The following TLL2 variants were observed in gnomAD, a reference collection of about 807,000 sequenced individuals.
The protein encoded by TLL2 is tolloid like 2.
In TLL2, 106 loss-of-function variants were observed where a neutral mutation model predicts 123.0. That is an observed-to-expected ratio of 0.86 (90% CI 0.74 to 1.01). TLL2 has a LOEUF of 1.01. Among genes scored for constraint, TLL2 ranks in the 50% least tolerant of loss-of-function variants. TLL2 has a pLI of 0.00. For synonymous variants in TLL2, 494 were observed against 516.8 expected (o/e 0.96, Z 0.60); for missense variants, 1,332 against 1,336.7 (o/e 1.00, Z 0.06).
chr10:96,458,487 TGA>T (rs1191625473), intron 2 of TLL2, among the ~76,000 whole-genome samples: 1 of 145,798 alleles, frequency 6.9e-6, no homozygotes, highest in Non-Finnish European at 1.5e-5. Flanking sequence ...CTCGGGAGGC[TGA>T]GGCAGGAGAA....
intron 1 of TLL2, among the ~76,000 whole-genome samples, chr10:96,490,087 ACT>A: frequency 6.6e-6 from 1 of 152,168 alleles, no homozygotes; most frequent in African/African-American, 2.4e-5. Flanking sequence ...ACAGAGTGAG[ACT>A]CTGTCTCAAA....
At chr10:96,497,863 T>C (rs748441548) in intron 1 of TLL2, among the ~76,000 whole-genome samples, 2 of 152,256 alleles carry the variant, frequency 1.3e-5, no homozygotes, top group African/African-American at 2.4e-5. Flanking sequence ...AATAGGAAGA[T>C]GGGATTCTGG....
intron 2 of TLL2, among the ~76,000 whole-genome samples, chr10:96,467,640 A>C (rs1847143326): frequency 6.6e-6 from 1 of 152,234 alleles, no homozygotes; most frequent in Non-Finnish European, 1.5e-5. Flanking sequence ...AATGTATTGG[A>C]GGCTACATAA....
chr10:96,477,261 T>C (rs1847267933), intron 2 of TLL2, among the ~76,000 whole-genome samples: 1 of 152,000 alleles, frequency 6.6e-6, no homozygotes, highest in Non-Finnish European at 1.5e-5. Context: ...AAGTATGATA[T>C]ATATTTCAAA....
At chr10:96,505,646 T>C (rs1175115234) in intron 1 of TLL2, among the ~76,000 whole-genome samples, 2 of 152,142 alleles carry the variant, frequency 1.3e-5, no homozygotes, top group Non-Finnish European at 2.9e-5. Context: ...AGAGCCAGTA[T>C]TTGAACCCAG....
chr10:96,384,557 T>C, intron 16 of TLL2, 30 bp downstream of exon 16: 4 of 1,524,858 alleles, frequency 2.6e-6, no homozygotes, highest in Non-Finnish European at 3.5e-6. Flanking sequence ...TCACTCGCGC[T>C]GCATCAGCCT....
chr10:96,493,819 C>T lies in TLL2; in HGVS notation c.176-13360G>A, dbSNP rs926031970. Among the ~76,000 whole-genome samples, 15 of 152,308 alleles carry T rather than the reference C, an allele frequency of 9.8e-5. 1 individual carries two copies. The highest frequency in any genetic ancestry group is 6.2e-4 in the South Asian group (3 of 4,824). On this transcript the variant is annotated intron_variant, in intron 1 of 20. Coordinates refer to ENST00000357947, the MANE Select transcript of TLL2 (RefSeq NM_012465.4). ...TTCAGAACATTCTCATCCCCGAATC[C>T]GTGAGTGAACAAATACCTCCTTGCA...
At chr10:96,504,852 C>CA (rs1440310317) in intron 1 of TLL2, among the ~76,000 whole-genome samples, 8 of 151,768 alleles carry the variant, frequency 5.3e-5, no homozygotes, top group Admixed American at 5.2e-4. Flanking sequence ...ACTAAAAATA[C>CA]AAAAAATTAG....
intron 1 of TLL2, among the ~76,000 whole-genome samples, chr10:96,487,312 G>A (rs1283132258): frequency 6.6e-6 from 1 of 152,102 alleles, no homozygotes; most frequent in African/African-American, 2.4e-5. Context: ...CCTGGTTCCT[G>A]TCTCTCTCCC....
At chr10:96,504,967 C>G (rs942183727) in intron 1 of TLL2, among the ~76,000 whole-genome samples, 2 of 152,118 alleles carry the variant, frequency 1.3e-5, no homozygotes, top group Non-Finnish European at 2.9e-5. Context: ...GAGATCGCAC[C>G]GCTGCACTCC....
intron 14 of TLL2, 99 bp downstream of exon 14, chr10:96,386,854 G>T: frequency 1.3e-6 from 2 of 1,548,932 alleles, no homozygotes; most frequent in Non-Finnish European, 1.8e-6. Context: ...ATTGCCCATC[G>T]TTCCTACACA....
intron 3 of TLL2, among the ~76,000 whole-genome samples, chr10:96,443,404 G>A (rs531942495): frequency 3.3e-5 from 5 of 152,270 alleles, no homozygotes; most frequent in African/African-American, 1.2e-4. Flanking sequence ...CAACTGAATG[G>A]TGACAGTCTG....
At chr10:96,482,257 CAA>C (rs34832390) in intron 1 of TLL2, among the ~76,000 whole-genome samples, 1 of 93,370 alleles carries the variant, frequency 1.1e-5, no homozygotes, top group African/African-American at 4.5e-5. Context: ...GACTACGTCT[CAA>C]AAAAAAAAAA....
intron 2 of TLL2, among the ~76,000 whole-genome samples, chr10:96,468,101 C>T (rs914941741): frequency 3.9e-5 from 6 of 152,210 alleles, no homozygotes; most frequent in Non-Finnish European, 7.3e-5. Flanking sequence ...CCATCACCTC[C>T]CCAAACCAGA....
chr10:96,512,487 C>T (rs1474206989), intron 1 of TLL2, among the ~76,000 whole-genome samples: 18 of 152,224 alleles, frequency 1.2e-4, no homozygotes, highest in Admixed American at 1.2e-3. Flanking sequence ...CGGGAAGGAG[C>T]ACCTGCCTCG....
Position 96,467,024 on chromosome 10 carries a change from C to A in TLL2, c.286+13325G>T, listed in dbSNP as rs569863030. ...GGTTTTATAAAAAATTAGTTTAGTT[C>A]ATTATCATGCCCAGTAAGAACATGT... On this transcript the variant is annotated intron_variant, in intron 2 of 20. Coordinates refer to ENST00000357947, the MANE Select transcript of TLL2 (RefSeq NM_012465.4). 4.6e-5 allele frequency among the ~76,000 whole-genome samples: 7 copies of A among 152,278 alleles called. No homozygotes were observed. In the East Asian group the frequency reaches 1.4e-3, roughly 29 times the overall value.
chr10:96,513,708 C>T lies in TLL2; in HGVS notation c.-23G>A, dbSNP rs1847655957. Reference sequence around the variant, plus strand: ...CATGGTGGCGCGGGGCCGGCTGGGGCAGAGGGAGTTGCGTGCACGAAAGCT... The same window carrying T: ...CATGGTGGCGCGGGGCCGGCTGGGGTAGAGGGAGTTGCGTGCACGAAAGCT... On this transcript the variant is annotated 5_prime_UTR_variant, in exon 1 of 21. Transcript: ENST00000357947. The T allele has an allele frequency of 6.7e-7, 1 of 1,486,444 alleles. No homozygotes were observed. Among genetic ancestry groups the T allele is most frequent in the Non-Finnish European group, 8.9e-7 (1 of 1,123,384 alleles). The allele number at this position is 1,486,444 out of a possible 1,614,324, so 92.1% of individuals were successfully genotyped here.
chr10:96,382,320 T>G (rs181872936), intron 16 of TLL2, among the ~76,000 whole-genome samples: 87 of 152,338 alleles, frequency 5.7e-4, no homozygotes. Context: ...TGAGCCACCA[T>G]GCCCGGCCAT....
Position 96,421,005 on chromosome 10 carries a change from T to G in TLL2, c.874A>C (p.Thr292Pro). The G allele has an allele frequency of 1.2e-6, 2 of 1,614,086 alleles. No homozygotes were observed. Among genetic ancestry groups the G allele is most frequent in the Non-Finnish European group, 1.7e-6 (2 of 1,179,996 alleles). Residue 292 changes from threonine (T) to proline (P), a missense_variant, in exon 7 of 21, where the codon ACA (threonine) becomes CCA (proline). By Grantham distance (38) the Thr-to-Pro change is conservative (BLOSUM62 -1). Coordinates refer to ENST00000357947, the MANE Select transcript of TLL2 (RefSeq NM_012465.4). ...TGCATGATGCTGTCAAAGTCGTATG[T>G]CTCTCCCAGAGAGCTCACTTCCCCA... ...EAGEVSSLGE[T>P]YDFDSIMHYA...
Sources: allele counts gnomAD v4.1 joint callset (sites outside exome capture counted in the v4.1 genomes callset), GRCh38; gene constraint gnomAD v4.1.1; transcripts MANE v1.5; gene names NCBI Gene and HGNC (gene_info 2026-07-23, HGNC 2026-07-21).